SCAF8: variants seen among roughly 807,000 people sequenced by gnomAD.
The protein encoded by SCAF8 is SR-related and CTD-associated factor 8.
SCAF8 carries 23 observed loss-of-function variants against 140.5 expected under a neutral mutation model. The observed-to-expected ratio is 0.16, with a 90% CI of 0.12 to 0.23. The LOEUF (loss-of-function observed/expected upper bound fraction) is 0.23, where lower values mean the gene tolerates loss of function less well. SCAF8 is among the 10% of genes least tolerant of loss of function. The pLI is 1.00. For synonymous variants in SCAF8, 575 were observed against 528.9 expected (o/e 1.09, Z -1.20); for missense variants, 1,397 against 1,555.7 (o/e 0.90, Z 1.72).
At chr6:154,831,526 G>C (rs1778733144) in intron 19 of SCAF8, among the ~76,000 whole-genome samples, 1 of 151,892 alleles carries the variant, frequency 6.6e-6, no homozygotes, top group Non-Finnish European at 1.5e-5. Flanking sequence ...GCTAGCTCTA[G>C]AAGATAAATA....
chr6:154,799,411 A>G (rs938274382), intron 6 of SCAF8, among the ~76,000 whole-genome samples: 3 of 151,308 alleles, frequency 2.0e-5, no homozygotes, highest in South Asian at 2.1e-4. Context: ...TCGTGCCTGC[A>G]CTAAAATCCC....
At chr6:154,813,521 C>A (rs971124267) in intron 12 of SCAF8, among the ~76,000 whole-genome samples, 1 of 152,136 alleles carries the variant, frequency 6.6e-6, no homozygotes, top group African/African-American at 2.4e-5. Flanking sequence ...AGAGCAAGAC[C>A]TCGTCTCCAA....
chr6:154,765,361 G>C (rs961994152), intron 1 of SCAF8, among the ~76,000 whole-genome samples: 1 of 152,172 alleles, frequency 6.6e-6, no homozygotes, highest in East Asian at 1.9e-4. Context: ...TGATGACAGA[G>C]TGCTTCTGAA....
chr6:154,775,847 A>G (rs1776902067), intron 2 of SCAF8, among the ~76,000 whole-genome samples: 2 of 152,032 alleles, frequency 1.3e-5, no homozygotes, highest in Non-Finnish European at 2.9e-5. Context: ...GAATTTTGAA[A>G]AAATTTAAAC....
At chr6:154,799,997 G>A (rs1012421756) in intron 6 of SCAF8, among the ~76,000 whole-genome samples, 1 of 151,098 alleles carries the variant, frequency 6.6e-6, no homozygotes, top group African/African-American at 2.4e-5. Context: ...TGTTGGCCAG[G>A]CTGGTCTCAA....
At chr6:154,817,493 C>CA (rs1244132447) in intron 13 of SCAF8, among the ~76,000 whole-genome samples, 1 of 152,096 alleles carries the variant, frequency 6.6e-6, no homozygotes, top group Non-Finnish European at 1.5e-5. Flanking sequence ...ACTTCAAAGA[C>CA]AAAGTCCATT....
At chr6:154,744,567 G>C (rs1778650436) in intron 1 of SCAF8, among the ~76,000 whole-genome samples, 1 of 152,150 alleles carries the variant, frequency 6.6e-6, no homozygotes, top group Non-Finnish European at 1.5e-5. Context: ...AGGCCCAACA[G>C]TTGTGATTTT....
intron 1 of SCAF8, among the ~76,000 whole-genome samples, chr6:154,767,687 A>T (rs1436849988): frequency 6.6e-6 from 1 of 151,438 alleles, no homozygotes; most frequent in African/African-American, 2.4e-5. Flanking sequence ...GGCGCAGGCC[A>T]CCATGCCTGG....
intron 18 of SCAF8, among the ~76,000 whole-genome samples, chr6:154,829,539 A>G (rs1420310432): frequency 1.3e-5 from 2 of 152,158 alleles, no homozygotes; most frequent in African/African-American, 2.4e-5. Flanking sequence ...TGATATATAA[A>G]GGTTTTAACT....
At chr6:154,811,086 T>C (rs1583057000) in intron 12 of SCAF8, among the ~76,000 whole-genome samples, 1 of 152,186 alleles carries the variant, frequency 6.6e-6, no homozygotes, top group Non-Finnish European at 1.5e-5. Flanking sequence ...GCCTTGGCTA[T>C]CTTGCATGAA....
At chr6:154,745,290 A>G (rs1222773265) in intron 1 of SCAF8, among the ~76,000 whole-genome samples, 1 of 152,216 alleles carries the variant, frequency 6.6e-6, no homozygotes, top group Non-Finnish European at 1.5e-5. Flanking sequence ...ACACTCCAGG[A>G]GTAATATTGT....
rs1778506530 is a variant in SCAF8 at position 154,824,461 on chromosome 6, G to A, written c.2071+83G>A. 2.3e-6 allele frequency: 3 copies of A among 1,297,492 alleles called. No individual in the cohort carries two copies. In the Admixed American group the frequency reaches 5.6e-5, roughly 24 times the overall value. 80.4% of individuals were successfully genotyped at this position (1,297,492 alleles called of 1,614,324 possible). ...TTCTTCCAGATTTAAGTACCATAGA[G>A]CAGTGGTTCTGAGACCTTAGCATGC... On this transcript the variant is annotated intron_variant, in intron 17 of 19. Coordinates refer to ENST00000367178, the MANE Select transcript of SCAF8 (RefSeq NM_014892.5).
intron 1 of SCAF8, among the ~76,000 whole-genome samples, chr6:154,759,824 C>T (rs1779057222): frequency 6.6e-6 from 1 of 151,948 alleles, no homozygotes; most frequent in Non-Finnish European, 1.5e-5. Flanking sequence ...TGCCACCACG[C>T]CCGGCTAATT....
At position 154,831,097 on chromosome 6, in the gene SCAF8, T is replaced by C. The variant is rs779862887; in HGVS notation, c.2316T>C (p.His772=). The change falls in exon 19 of 20, where the codon CAT becomes CAC. Residue 772 remains histidine (H), a synonymous_variant. Transcript: ENST00000367178. Reference sequence around the variant, plus strand: ...CAGAGCCTGAAGAAAAAGTACCTCATCTTATAGACCACCAGATTTCTTCTG... The same window carrying C: ...CAGAGCCTGAAGAAAAAGTACCTCACCTTATAGACCACCAGATTTCTTCTG... ...KQAEPEEKVP[H]LIDHQISSGE... is the part of the protein sequence containing the mutation. The C allele has an allele frequency of 1.7e-5, 27 of 1,613,282 alleles. No homozygotes were observed. Among genetic ancestry groups the C allele is most frequent in the Non-Finnish European group, 2.3e-5 (27 of 1,179,482 alleles).
Position 154,784,155 on chromosome 6 carries a change from A to ATATATTTATT in SCAF8, c.160-3703_160-3702insATTTATTTAT, listed in dbSNP as rs1408182952. 6.0e-3 allele frequency among the ~76,000 whole-genome samples: 551 copies of ATATATTTATT among 91,668 alleles called. 1 individual carries two copies. The highest frequency in any genetic ancestry group is 8.1e-3 in the East Asian group (23 of 2,838). The allele number at this position is 91,668 out of a possible 152,430, so 60.1% of individuals were successfully genotyped here. A position where few individuals can be genotyped will look rare whatever the true frequency, so the allele number is the denominator to read the frequency against. ...TATATATATATATATATATATATAT[A>ATATATTTATT]TATTTATTTATTTATTTTTCATGTA... On this transcript the variant is annotated intron_variant, in intron 3 of 19. Coordinates refer to ENST00000367178, the MANE Select transcript of SCAF8 (RefSeq NM_014892.5).
intron 1 of SCAF8, among the ~76,000 whole-genome samples, chr6:154,738,488 A>G (rs543089442): frequency 6.6e-6 from 1 of 152,182 alleles, no homozygotes; most frequent in Non-Finnish European, 1.5e-5. Context: ...GCCCCATGCT[A>G]ATTTTGTGGG....
Position 154,802,073 on chromosome 6 carries a change from A to T in SCAF8, c.709A>T (p.Thr237Ser), listed in dbSNP as rs1262361270. The stretch of plus-strand genomic sequence containing the variant: ...TCTTGTTGTTCAGTTGCAAGCTCTT[A>T]CGGCACAACTTACAGCTGCAGCTGC... Reference protein sequence around the residue: ...AGLVVQLQALTAQLTAAAAAA... With the variant: ...AGLVVQLQALSAQLTAAAAAA... The change falls in exon 7 of 20, where the codon ACG becomes TCG. Residue 237 changes from threonine (T) to serine (S), a missense_variant. This residue lies in a region of SCAF8 where 339 missense variants were observed against 407.5 expected (regional missense o/e 0.83). Coordinates refer to ENST00000367178, the MANE Select transcript of SCAF8 (RefSeq NM_014892.5). 2 of 1,613,520 alleles carry T rather than the reference A, an allele frequency of 1.2e-6. No homozygotes were observed. The highest frequency in any genetic ancestry group is 1.3e-5 in the African/African-American group (1 of 75,002).
In SCAF8 at chr6:154,751,971, T is replaced by G. The variant is rs183984182; in HGVS notation, c.30+18041T>G. 1.1e-4 allele frequency among the ~76,000 whole-genome samples: 16 copies of G among 152,342 alleles called. 1 individual carries two copies. In the East Asian group the frequency reaches 3.1e-3, roughly 29 times the overall value. On this transcript the variant is annotated intron_variant, in intron 1 of 19. Transcript: ENST00000367178. ...TCACTCTGCAGAAAACTAAAAAGCC[T>G]TTGAGTCCAAAGCTCATGTATTTTG...
At chr6:154,803,187 A>G (rs1287638347) in intron 7 of SCAF8, among the ~76,000 whole-genome samples, 1 of 152,176 alleles carries the variant, frequency 6.6e-6, no homozygotes, top group African/African-American at 2.4e-5. Flanking sequence ...GCATTCTAAG[A>G]TGAGAACCAT....
Sources: gnomAD v4.1 joint callset for allele counts (sites outside exome capture counted in the v4.1 genomes callset) on GRCh38, gnomAD v4.1.1 for gene constraint, gnomAD v4.1.1 regional missense constraint, MANE v1.5 for transcripts, NCBI Gene and HGNC (gene_info 2026-07-23, HGNC 2026-07-21) for gene names.